Variants in PEX2 observed in about 807,000 individuals in gnomAD.
PEX2 encodes the protein peroxisomal biogenesis factor 2, also known as peroxisome biogenesis factor 2.
Under a neutral mutation model 25.2 loss-of-function variants are expected in PEX2, and 19 were observed. The observed-to-expected ratio is 0.75, with a 90% confidence interval of 0.53 to 1.10. The LOEUF is 1.10. PEX2 is among the 50% of genes least tolerant of loss of function. The pLI is 0.00. For missense variants in PEX2, 347 were observed against 350.6 expected (o/e 0.99, Z 0.08); for synonymous variants, 141 against 127.7 (o/e 1.10, Z -0.70).
intron 1 of PEX2, among the ~76,000 whole-genome samples, chr8:76,990,680 T>A (rs1223482703): frequency 6.6e-6 from 1 of 152,062 alleles, no homozygotes; most frequent in Non-Finnish European, 1.5e-5. Context: ...CTTATATGGA[T>A]ACAGTTCTTG....
chr8:76,989,097 T>C (rs1349177223), intron 1 of PEX2, among the ~76,000 whole-genome samples: 4 of 151,490 alleles, frequency 2.6e-5, no homozygotes, highest in Non-Finnish European at 5.9e-5. Context: ...GAGAGTTGCT[T>C]GAGTCCAGGA....
chr8:76,983,443 G>T lies in PEX2; in HGVS notation c.736C>A (p.Leu246Ile). 1.2e-5 allele frequency: 20 copies of T among 1,614,126 alleles called. No individual in the cohort carries two copies. The highest frequency in any genetic ancestry group is 1.7e-5 in the Non-Finnish European group (20 of 1,180,032). The change falls in exon 4 of 4, where the codon CTA becomes ATA. Residue 246 changes from leucine to isoleucine, a missense_variant. Transcript: ENST00000357039. ...TLATSGKECA[L>I]CGEWPTMPHT... The stretch of plus-strand genomic sequence containing the variant: ...GGCATGGTGGGCCACTCTCCACATA[G>T]AGCGCATTCTTTGCCACTGGTGGCT...
intron 1 of PEX2, among the ~76,000 whole-genome samples, chr8:76,992,435 C>A (rs1807199767): frequency 6.6e-6 from 1 of 152,178 alleles, no homozygotes; most frequent in Admixed American, 6.5e-5. Flanking sequence ...CATACTCCCA[C>A]CCCACTCCTC....
rs1022869242 is a variant in PEX2 at position 76,982,476 on chromosome 8, A to T, written c.*785T>A. The T allele has an allele frequency of 1.3e-5, 2 of 152,160 alleles. No homozygotes were observed. The highest frequency in any genetic ancestry group is 4.8e-5 in the African/African-American group (2 of 41,424). 9.4% of individuals were successfully genotyped at this position (152,160 alleles called of 1,614,324 possible). On this transcript the variant is annotated 3_prime_UTR_variant, in exon 4 of 4. Coordinates refer to ENST00000357039, the MANE Select transcript of PEX2 (RefSeq NM_000318.3). ...CTGTGGAGGGGTCAGACAGCTGAGG[A>T]CTGAACTTCTTAAAAATTGGCTTCA...
chr8:76,984,265 C>CAGGCATAAGT, intron 3 of PEX2, 70 bp from the exon 4 acceptor site: 1 of 1,268,026 alleles, frequency 7.9e-7, no homozygotes, highest in Non-Finnish European at 1.1e-6. Context: ...CAACTTATGC[C>CAGGCATAAGT]TGGAAACTGT....
chr8:76,988,664 G>A (rs1359424871), intron 1 of PEX2, among the ~76,000 whole-genome samples: 2 of 152,088 alleles, frequency 1.3e-5, no homozygotes, highest in African/African-American at 4.8e-5. Flanking sequence ...TTTGCTGCAT[G>A]GATTGACTCT....
intron 3 of PEX2, among the ~76,000 whole-genome samples, chr8:76,985,152 T>C (rs559253360): frequency 7.1e-6 from 1 of 140,900 alleles, no homozygotes; most frequent in Non-Finnish European, 1.5e-5. Context: ...TTAAATATTA[T>C]TAACTGGCAA....
At chr8:76,997,919 T>C (rs1258071147) in intron 1 of PEX2, among the ~76,000 whole-genome samples, 1 of 152,090 alleles carries the variant, frequency 6.6e-6, no homozygotes, top group Non-Finnish European at 1.5e-5. Context: ...ACAGGGCAAA[T>C]GGAGCAATTT....
chr8:77,000,577 G>C (rs1037999179), upstream of PEX2, among the ~76,000 whole-genome samples: 1 of 152,226 alleles, frequency 6.6e-6, no homozygotes, highest in African/African-American at 2.4e-5. Flanking sequence ...GCTGCGTCGG[G>C]CCTGGGGCAG....
intron 1 of PEX2, among the ~76,000 whole-genome samples, chr8:76,989,334 T>G (rs942123247): frequency 1.3e-5 from 2 of 152,200 alleles, no homozygotes; most frequent in African/African-American, 2.4e-5. Context: ...AGTCTTGAAC[T>G]CCTCAAAGTC....
At chr8:76,984,683 C>G (rs1470054643) in intron 3 of PEX2, among the ~76,000 whole-genome samples, 1 of 152,166 alleles carries the variant, frequency 6.6e-6, no homozygotes. Context: ...AGCACTACTA[C>G]TGACTCCAAA....
rs1806937827 is a variant in PEX2, at chr8:76,984,207, T to C, written c.-17-12A>G. ...TTCTCTGAAGGTCTCTAGGAAAAAATACAATTGAAGAACATTAGCAAAGAG... is the reference window on the plus strand; with the variant it reads ...TTCTCTGAAGGTCTCTAGGAAAAAACACAATTGAAGAACATTAGCAAAGAG... On this transcript the variant is annotated splice_polypyrimidine_tract_variant and intron_variant, in intron 3 of 3. Coordinates refer to ENST00000357039, the MANE Select transcript of PEX2 (RefSeq NM_000318.3). 1.2e-6 allele frequency: 2 copies of C among 1,608,584 alleles called. No individual in the cohort carries two copies. The highest frequency in any genetic ancestry group is 1.3e-5 in the African/African-American group (1 of 74,886).
At chr8:76,993,049 G>A (rs1461095812) in intron 1 of PEX2, among the ~76,000 whole-genome samples, 1 of 152,136 alleles carries the variant, frequency 6.6e-6, no homozygotes, top group East Asian at 1.9e-4. Context: ...TACATCCTTG[G>A]TTATTTAACC....
intron 1 of PEX2, 90 bp downstream of exon 1, chr8:76,999,900 C>T (rs1807447643): frequency 2.2e-6 from 1 of 456,390 alleles, no homozygotes; most frequent in Non-Finnish European, 4.4e-6. Context: ...AAGCAAACGG[C>T]GACAATTACA....
At position 76,983,554 on chromosome 8, in the gene PEX2, G is replaced by GT. The variant is rs1438831421; in HGVS notation, c.624dup (p.Pro209ThrfsTer24). 1.2e-6 allele frequency: 2 copies of GT among 1,613,880 alleles called. No individual in the cohort carries two copies. The highest frequency in any genetic ancestry group is 2.7e-5 in the African/African-American group (2 of 74,900). On this transcript the variant is annotated frameshift_variant, in exon 4 of 4. Coordinates refer to ENST00000357039, the MANE Select transcript of PEX2 (RefSeq NM_000318.3). LOFTEE classifies it high-confidence loss of function. ...TTCAACTTCTGGACATTGATAAGTG[G>GT]TAAGAGAAAAATCAGAAATTCAGCA...
At chr8:76,996,977 C>T (rs4596624) in intron 1 of PEX2, among the ~76,000 whole-genome samples, 149,523 of 152,340 alleles carry the variant, frequency 0.98, 73,398 homozygotes, top group Middle Eastern at 0.99. Flanking sequence ...GTAGAATGGA[C>T]ATTTGCTAAG....
chr8:76,989,262 C>T (rs1807094149), intron 1 of PEX2, among the ~76,000 whole-genome samples: 1 of 152,044 alleles, frequency 6.6e-6, no homozygotes, highest in African/African-American at 2.4e-5. Flanking sequence ...CATCTTTAGG[C>T]TCCACTCTAA....
intron 1 of PEX2, among the ~76,000 whole-genome samples, chr8:76,995,528 C>T (rs1354908706): frequency 1.3e-5 from 2 of 151,602 alleles, no homozygotes; most frequent in Non-Finnish European, 2.9e-5. Flanking sequence ...GAAGAGGAAA[C>T]TCAACACAAC....
chr8:76,983,149 T>A lies in PEX2; in HGVS notation c.*112A>T, dbSNP rs1380799119. On this transcript the variant is annotated 3_prime_UTR_variant, in exon 4 of 4. Coordinates refer to ENST00000357039, the MANE Select transcript of PEX2 (RefSeq NM_000318.3). The stretch of plus-strand genomic sequence containing the variant: ...GTCATGCCTGGAAAGGAGAAGACAG[T>A]GGCTAGGAGCACATTCCTTATAAAG... 2 of 1,580,746 alleles carry A rather than the reference T, an allele frequency of 1.3e-6. No individual in the cohort carries two copies. The highest frequency in any genetic ancestry group is 8.5e-7 in the Non-Finnish European group (1 of 1,170,762).
Sources: allele counts gnomAD v4.1 joint callset (sites outside exome capture counted in the v4.1 genomes callset), GRCh38; gene constraint gnomAD v4.1.1; transcripts MANE v1.5; gene names NCBI Gene and HGNC (gene_info 2026-07-23, HGNC 2026-07-21).